NSFL1C: variants seen among roughly 807,000 people sequenced by gnomAD.
NSFL1C encodes NSFL1 cofactor p47.
NSFL1C carries 14 observed loss-of-function variants against 43.1 expected under a neutral mutation model. The ratio of observed to expected loss-of-function variants is 0.32; its 90% CI spans 0.21 to 0.51. The LOEUF is 0.51. NSFL1C is among the 20% of genes least tolerant of loss of function. NSFL1C has a pLI of 0.98. For missense variants in NSFL1C, 406 were observed against 472.5 expected (o/e 0.86, Z 1.30); for synonymous variants, 171 against 183.5 (o/e 0.93, Z 0.55).
chr20:1,454,674 G>A (rs2090258559), intron 4 of NSFL1C, among the ~76,000 whole-genome samples: 1 of 152,194 alleles, frequency 6.6e-6, no homozygotes, highest in African/African-American at 2.4e-5. Flanking sequence ...TAAAACAGAT[G>A]ACTATTAATT....
chr20:1,464,639 G>A (rs1043074161), intron 1 of NSFL1C, among the ~76,000 whole-genome samples: 7 of 152,192 alleles, frequency 4.6e-5, no homozygotes, highest in African/African-American at 1.7e-4. Flanking sequence ...AAAGAAGGCA[G>A]TAAGAATGGC....
chr20:1,465,017 T>G lies in NSFL1C; in HGVS notation c.106-591A>C, dbSNP rs189687092. Among the ~76,000 whole-genome samples, 31 of 152,280 alleles carry G rather than the reference T, an allele frequency of 2.0e-4. 1 individual carries two copies. The highest frequency in any genetic ancestry group is 9.8e-4 in the Admixed American group (15 of 15,302). On this transcript the variant is annotated intron_variant, in intron 1 of 8. Coordinates refer to ENST00000216879, the MANE Select transcript of NSFL1C (RefSeq NM_016143.5). The stretch of plus-strand genomic sequence containing the variant: ...CTTTCTTTCAAGTTGTTTCCTAATC[T>G]GTGAAATGGGGGTACCTGTCTCACC...
At chr20:1,461,521 C>T (rs953026985) in intron 2 of NSFL1C, among the ~76,000 whole-genome samples, 2 of 152,168 alleles carry the variant, frequency 1.3e-5, no homozygotes, top group Non-Finnish European at 2.9e-5. Flanking sequence ...CCAAAGAAAT[C>T]AGTTTGGTTG....
intron 2 of NSFL1C, among the ~76,000 whole-genome samples, chr20:1,462,333 A>C (rs2090426943): frequency 6.6e-6 from 1 of 152,152 alleles, no homozygotes. Flanking sequence ...CTCAACAAGG[A>C]CAAACCATGC....
chr20:1,443,311 T>C lies in NSFL1C; in HGVS notation c.*438A>G, dbSNP rs2089988634. The C allele has an allele frequency of 6.4e-6, 1 of 157,188 alleles. No homozygotes were observed. The highest frequency in any genetic ancestry group is 2.4e-5 in the African/African-American group (1 of 41,484). The allele number at this position is 157,188 out of a possible 1,614,324, so 9.7% of individuals were successfully genotyped here. ...GTGGCGAAGCCTCTTTCTACACATT[T>C]CCCCTCCTTCCTCCAGTCATCTGTG... is the stretch of plus-strand genomic sequence containing the variant. On this transcript the variant is annotated 3_prime_UTR_variant, in exon 9 of 9. Coordinates refer to ENST00000216879, the MANE Select transcript of NSFL1C (RefSeq NM_016143.5).
intron 2 of NSFL1C, among the ~76,000 whole-genome samples, chr20:1,461,560 G>A (rs908922261): frequency 1.3e-5 from 2 of 152,188 alleles, no homozygotes; most frequent in African/African-American, 4.8e-5. Context: ...ATGAGGAAAA[G>A]GGAATCAGAT....
chr20:1,455,627 G>GT lies in NSFL1C; in HGVS notation c.279-496dup, dbSNP rs796525647. The GT allele has an allele frequency of 9.0e-6, 7 of 778,726 alleles. No individual in the cohort carries two copies. The African/African-American group carries it at 1.2e-4, about 13-fold the overall frequency. The allele number at this position is 778,726 out of a possible 1,614,324, so 48.2% of individuals were successfully genotyped here. The stretch of plus-strand genomic sequence containing the variant: ...AGGCTCCAGTCTTGGCTCTGCCACT[G>GT]TATGTCCTGGGTAAGCCAGTGCACT... On this transcript the variant is annotated intron_variant, in intron 3 of 8. Transcript: ENST00000216879.
chr20:1,454,525 G>A (rs770500735), intron 4 of NSFL1C, among the ~76,000 whole-genome samples: 76 of 152,348 alleles, frequency 5.0e-4, no homozygotes, highest in Admixed American at 1.3e-3. Context: ...GGGGTTAAGA[G>A]CTGGAAGGGG....
chr20:1,444,175 C>T (rs2090008850), intron 8 of NSFL1C, among the ~76,000 whole-genome samples: 1 of 152,348 alleles, frequency 6.6e-6, no homozygotes, highest in South Asian at 2.1e-4. Flanking sequence ...TCGTTCTCTT[C>T]TGCCCGCTTC....
chr20:1,466,755 G>T lies in NSFL1C; in HGVS notation c.70C>A (p.Arg24Ser). ...CAGCCGGCCGACTCGAGAAAGAAGCGGGCCCGGTCCTCCTCGGCGCCCGTC... is the reference window on the plus strand; with the variant it reads ...CAGCCGGCCGACTCGAGAAAGAAGCTGGCCCGGTCCTCCTCGGCGCCCGTC... ...AVTGAEEDRA[R>S]FFLESAGWDL... is the part of the protein sequence containing the mutation. The change falls in exon 1 of 9, where the codon CGC becomes AGC. Residue 24 changes from arginine (R) to serine (S), a missense_variant. Physicochemically the swap from Arg to Ser is moderately radical, Grantham distance 110. This residue lies in a region of NSFL1C where 203 missense variants were observed against 216.3 expected (regional missense o/e 0.94). Transcript: ENST00000216879. 1 of 1,564,580 alleles carries T rather than the reference G, an allele frequency of 6.4e-7. No individual in the cohort carries two copies. The highest frequency in any genetic ancestry group is 1.4e-5 in the African/African-American group (1 of 72,448).
chr20:1,443,897 C>T lies in NSFL1C; in HGVS notation c.965G>A (p.Arg322Gln), dbSNP rs377054262. Residue 322 changes from arginine to glutamine, a missense_variant, in exon 9 of 9, where the codon CGA becomes CAA. By Grantham distance (43) the Arg-to-Gln change is conservative. Coordinates refer to ENST00000216879, the MANE Select transcript of NSFL1C (RefSeq NM_016143.5). ...TGGCCGGGCATCCACGATGAAGAGT[C>T]GGATGTCGCTGATCCTGCAGGAGTT... ...FNHSHRISDI[R>Q]LFIVDARPAM... 6.2e-7 allele frequency: 1 copy of T among 1,611,618 alleles called. No individual in the cohort carries two copies. Among genetic ancestry groups the T allele is most frequent in the Non-Finnish European group, 8.5e-7 (1 of 1,179,652 alleles).
At position 1,466,742 on chromosome 20, in the gene NSFL1C, T is replaced by A. The variant is rs2090522207; in HGVS notation, c.83A>T (p.Glu28Val). The change falls in exon 1 of 9, where the codon GAG becomes GTG. Residue 28 changes from glutamate (E) to valine (V), a missense_variant. Glu to Val is a moderately radical substitution (Grantham distance 121). This residue lies in a region of NSFL1C where 203 missense variants were observed against 216.3 expected (regional missense o/e 0.94). Coordinates refer to ENST00000216879, the MANE Select transcript of NSFL1C (RefSeq NM_016143.5). ...TACCTGCAAGTCCCAGCCGGCCGACTCGAGAAAGAAGCGGGCCCGGTCCTC... is the reference window on the plus strand; with the variant it reads ...TACCTGCAAGTCCCAGCCGGCCGACACGAGAAAGAAGCGGGCCCGGTCCTC... ...AEEDRARFFL[E>V]SAGWDLQIAL... The A allele has an allele frequency of 6.4e-7, 1 of 1,561,708 alleles. No homozygotes were observed. Among genetic ancestry groups the A allele is most frequent in the South Asian group, 1.2e-5 (1 of 85,692 alleles).
chr20:1,443,689 T>C lies in NSFL1C; in HGVS notation c.*60A>G, dbSNP rs151293535. 561 of 1,589,274 alleles carry C rather than the reference T, an allele frequency of 3.5e-4. 2 individuals carry two copies. The African/African-American group carries it at 6.7e-3, about 19-fold the overall frequency. On this transcript the variant is annotated 3_prime_UTR_variant, in exon 9 of 9. Coordinates refer to ENST00000216879, the MANE Select transcript of NSFL1C (RefSeq NM_016143.5). ...AAGGGGGCAGGAGGGGCGATCCCCATGGGGCATGGCCACTGGCCATGGGAA... is the reference window on the plus strand; with the variant it reads ...AAGGGGGCAGGAGGGGCGATCCCCACGGGGCATGGCCACTGGCCATGGGAA...
At chr20:1,454,808 C>T (rs531985274) in intron 4 of NSFL1C, among the ~76,000 whole-genome samples, 159 bp downstream of exon 4, 12 of 152,176 alleles carry the variant, frequency 7.9e-5, no homozygotes, top group South Asian at 2.1e-4. Context: ...CTTGGTTTCA[C>T]GTTAAAGGGT....
In NSFL1C at chr20:1,445,700, C is replaced by T. The variant is rs557943992; in HGVS notation, c.916G>A (p.Gly306Arg). The part of the protein sequence containing the change: ...TNIQIRLADG[G>R]RLVQKFNHSH... Reference sequence around the variant, plus strand: ...TGGTTAAATTTCTGCACCAGCCTCCCGCCGTCTGCAAGCCGAATTTGGATG... The same window carrying T: ...TGGTTAAATTTCTGCACCAGCCTCCTGCCGTCTGCAAGCCGAATTTGGATG... The change falls in exon 8 of 9, where the codon GGG becomes AGG. Residue 306 changes from glycine (G) to arginine (R), a missense_variant. Coordinates refer to ENST00000216879, the MANE Select transcript of NSFL1C (RefSeq NM_016143.5). 4 of 1,613,450 alleles carry T rather than the reference C, an allele frequency of 2.5e-6. No homozygotes were observed. The highest frequency in any genetic ancestry group is 2.2e-5 in the South Asian group (2 of 91,042).
chr20:1,462,582 C>G (rs113939624), intron 2 of NSFL1C, among the ~76,000 whole-genome samples: 1 of 150,948 alleles, frequency 6.6e-6, no homozygotes, highest in Admixed American at 6.6e-5. Context: ...AGTGCAGTGG[C>G]GCAATCTCGA....
intron 6 of NSFL1C, 123 bp from the exon 7 acceptor site, chr20:1,452,753 G>T (rs2090210458): frequency 8.2e-7 from 1 of 1,217,308 alleles, no homozygotes; most frequent in East Asian, 2.3e-5. Flanking sequence ...AAAGGGAGCA[G>T]GCTACTCTGG....
At chr20:1,446,041 G>A (rs1227237456) in intron 7 of NSFL1C, 4 of 598,398 alleles carry the variant, frequency 6.7e-6, no homozygotes, top group South Asian at 3.9e-5. Context: ...TATTTCATAC[G>A]TTATTGCTAG....
chr20:1,459,236 T>A (rs1326285974), intron 2 of NSFL1C, among the ~76,000 whole-genome samples: 1 of 152,180 alleles, frequency 6.6e-6, no homozygotes, highest in Non-Finnish European at 1.5e-5. Context: ...ATCATGCAGG[T>A]GGATTTCCCT....
Sources: gnomAD v4.1 joint callset for allele counts (sites outside exome capture counted in the v4.1 genomes callset) on GRCh38, gnomAD v4.1.1 for gene constraint, gnomAD v4.1.1 regional missense constraint, MANE v1.5 for transcripts, NCBI Gene and HGNC (gene_info 2026-07-23, HGNC 2026-07-21) for gene names.